ADAMTSL3: variants seen among roughly 807,000 people sequenced by gnomAD.
ADAMTSL3 encodes ADAMTS like 3.
In ADAMTSL3, 128 loss-of-function variants were observed where a neutral mutation model predicts 201.7. That is an observed-to-expected ratio of 0.63 (90% CI 0.55 to 0.73). The LOEUF (loss-of-function observed/expected upper bound fraction) is 0.73, where lower values mean the gene tolerates loss of function less well. Ranked by LOEUF, ADAMTSL3 falls within the 30% of genes least tolerant of loss-of-function variation. The pLI, the probability that ADAMTSL3 is intolerant of heterozygous loss-of-function variation, is 0.00. For missense variants in ADAMTSL3, 1,990 were observed against 2,119.6 expected (o/e 0.94, Z 1.20); for synonymous variants, 738 against 748.4 (o/e 0.99, Z 0.23).
At chr15:83,695,177 G>A (rs1423836953) in intron 2 of ADAMTSL3, among the ~76,000 whole-genome samples, 2 of 8,548 alleles carry the variant, frequency 2.3e-4, no homozygotes, top group Non-Finnish European at 5.0e-4. Flanking sequence ...TGTAGCATGT[G>A]ATGTGCATGA....
Position 83,982,277 on chromosome 15 carries a change from C to G in ADAMTSL3, c.2649C>G (p.Ile883Met). The change falls in exon 21 of 30, where the codon ATC becomes ATG. Residue 883 changes from isoleucine (I) to methionine (M), a missense_variant. Coordinates refer to ENST00000286744, the MANE Select transcript of ADAMTSL3 (RefSeq NM_207517.3). Reference protein sequence around the residue: ...RSCQMPECSKIKSEMKTKLGE... With the variant: ...RSCQMPECSKMKSEMKTKLGE... ...TTCTTTTTTTTTTTCTTGGAGAAAT[C>G]AAATCAGAGATGAAGACAAAACTTG... The G allele has an allele frequency of 1.3e-6, 2 of 1,548,688 alleles. No individual in the cohort carries two copies. The highest frequency in any genetic ancestry group is 2.4e-5 in the South Asian group (2 of 82,022).
At chr15:83,694,780 G>A (rs770666951) in intron 2 of ADAMTSL3, among the ~76,000 whole-genome samples, 1 of 152,160 alleles carries the variant, frequency 6.6e-6, no homozygotes, top group African/African-American at 2.4e-5. Flanking sequence ...CAGGCTCTGC[G>A]GGGAGAGGGT....
chr15:83,876,719 C>A (rs376673947), intron 9 of ADAMTSL3, among the ~76,000 whole-genome samples: 11 of 152,116 alleles, frequency 7.2e-5, no homozygotes, highest in African/African-American at 2.6e-4. Context: ...GCAGCTTTGA[C>A]CTCCTGGGCT....
chr15:84,017,248 G>A (rs556206090), intron 25 of ADAMTSL3, among the ~76,000 whole-genome samples: 2 of 152,088 alleles, frequency 1.3e-5, no homozygotes, highest in Admixed American at 6.5e-5. Context: ...CTCCCAAGTA[G>A]CTGGGACTAC....
chr15:84,002,848 A>G (rs920077679), intron 23 of ADAMTSL3, among the ~76,000 whole-genome samples: 1 of 151,974 alleles, frequency 6.6e-6, no homozygotes, highest in Non-Finnish European at 1.5e-5. Context: ...AAAAGAACAT[A>G]TGAACACTCC....
At chr15:83,930,016 A>G (rs2066327166) in intron 17 of ADAMTSL3, among the ~76,000 whole-genome samples, 1 of 152,194 alleles carries the variant, frequency 6.6e-6, no homozygotes, top group Non-Finnish European at 1.5e-5. Flanking sequence ...AGAATGTGAG[A>G]TAGGATCCTT....
intron 19 of ADAMTSL3, among the ~76,000 whole-genome samples, chr15:83,967,283 T>G (rs1441890746): frequency 6.6e-6 from 1 of 152,184 alleles, no homozygotes; most frequent in East Asian, 1.9e-4. Flanking sequence ...GAAAACCCCA[T>G]CATCTTAGCC....
chr15:83,728,918 G>A (rs954113676), intron 3 of ADAMTSL3, among the ~76,000 whole-genome samples: 4 of 151,950 alleles, frequency 2.6e-5, no homozygotes, highest in East Asian at 1.9e-4. Flanking sequence ...GCCCTTTAGC[G>A]TTTCTTGCAG....
intron 3 of ADAMTSL3, among the ~76,000 whole-genome samples, chr15:83,765,908 A>C (rs1201542517): frequency 6.6e-6 from 1 of 152,212 alleles, no homozygotes; most frequent in African/African-American, 2.4e-5. Flanking sequence ...TTATTGTGCA[A>C]ACTATACATG....
At chr15:83,852,532 C>T (rs2064639378) in intron 7 of ADAMTSL3, among the ~76,000 whole-genome samples, 1 of 152,202 alleles carries the variant, frequency 6.6e-6, no homozygotes, top group Admixed American at 6.5e-5. Context: ...TTTGTGCAAG[C>T]ATGTCTTTAT....
At chr15:83,745,055 C>G (rs1438081806) in intron 3 of ADAMTSL3, among the ~76,000 whole-genome samples, 1 of 152,160 alleles carries the variant, frequency 6.6e-6, no homozygotes, top group African/African-American at 2.4e-5. Context: ...CATCCTGGAC[C>G]CCTAAAAACC....
At chr15:83,975,291 T>A (rs146625898) in intron 20 of ADAMTSL3, among the ~76,000 whole-genome samples, 1 of 152,088 alleles carries the variant, frequency 6.6e-6, no homozygotes, top group Admixed American at 6.6e-5. Context: ...CGTGAGCCAC[T>A]GCACCTGGCC....
intron 4 of ADAMTSL3, among the ~76,000 whole-genome samples, chr15:83,797,542 A>G (rs1428391300): frequency 2.6e-5 from 4 of 152,216 alleles, no homozygotes; most frequent in Non-Finnish European, 5.9e-5. Context: ...CGGAGGTTGC[A>G]GTGAGCCAAG....
chr15:83,718,678 G>A (rs1163645654), intron 3 of ADAMTSL3, among the ~76,000 whole-genome samples: 2 of 141,110 alleles, frequency 1.4e-5, no homozygotes, highest in Admixed American at 1.5e-4. Flanking sequence ...GTGACAGAGT[G>A]AGACTCCGTC....
chr15:83,865,679 A>G (rs540287413), intron 8 of ADAMTSL3, among the ~76,000 whole-genome samples: 3 of 152,342 alleles, frequency 2.0e-5, no homozygotes, highest in Non-Finnish European at 2.9e-5. Context: ...AACCTAGGCA[A>G]TACCATTCAG....
At chr15:83,672,186 A>G (rs1267432183) in intron 2 of ADAMTSL3, among the ~76,000 whole-genome samples, 3 of 152,236 alleles carry the variant, frequency 2.0e-5, no homozygotes, top group Non-Finnish European at 2.9e-5. Context: ...GAGGGTTGGT[A>G]TAGCTCATTT....
At chr15:84,021,901 T>A (rs2068212578) in intron 26 of ADAMTSL3, among the ~76,000 whole-genome samples, 1 of 152,170 alleles carries the variant, frequency 6.6e-6, no homozygotes, top group Admixed American at 6.5e-5. Context: ...GCACACACAA[T>A]CCTGTCAGTT....
At chr15:84,002,357 C>G (rs990150118) in intron 23 of ADAMTSL3, among the ~76,000 whole-genome samples, 2 of 152,172 alleles carry the variant, frequency 1.3e-5, no homozygotes, top group African/African-American at 2.4e-5. Context: ...CTATTGTTAA[C>G]AACACTGCTT....
intron 16 of ADAMTSL3, among the ~76,000 whole-genome samples, chr15:83,920,577 A>G (rs1421766704): frequency 6.6e-6 from 1 of 152,348 alleles, no homozygotes; most frequent in South Asian, 2.1e-4. Context: ...ACTAGCTAAC[A>G]GCAGAAAGAG....
Sources: gnomAD v4.1 joint callset for allele counts (sites outside exome capture counted in the v4.1 genomes callset) on GRCh38, gnomAD v4.1.1 for gene constraint, MANE v1.5 for transcripts, NCBI Gene and HGNC (gene_info 2026-07-23, HGNC 2026-07-21) for gene names.